Variants in MEMO1 observed in about 807,000 individuals in gnomAD.
MEMO1 encodes mediator of cell motility 1, also known as protein MEMO1.
A neutral mutation model predicts 45.2 loss-of-function variants in MEMO1; 6 were observed. That is an observed-to-expected ratio of 0.13 (90% CI 0.07 to 0.26). The LOEUF is 0.26. MEMO1 is among the 10% of genes least tolerant of loss of function. The probability of loss-of-function intolerance (pLI) is 1.00; values close to 1 mark genes in which losing one functional copy is unlikely to be tolerated. For missense variants in MEMO1, 184 were observed against 370.5 expected (o/e 0.50, Z 4.13); for synonymous variants, 78 against 124.3 (o/e 0.63, Z 2.48).
At chr2:31,935,138 A>T (rs1260965272) in intron 3 of MEMO1, among the ~76,000 whole-genome samples, 1 of 152,176 alleles carries the variant, frequency 6.6e-6, no homozygotes, top group Non-Finnish European at 1.5e-5. Context: ...AGAAACTAAA[A>T]CAGAGAGGTT....
intron 4 of MEMO1, among the ~76,000 whole-genome samples, chr2:31,927,905 A>C (rs1358798504): frequency 6.6e-6 from 1 of 152,092 alleles, no homozygotes; most frequent in African/African-American, 2.4e-5. Context: ...TTTTTAATTA[A>C]ATTTTTAGCT....
At chr2:31,872,206 G>C (rs1338930031) in intron 8 of MEMO1, among the ~76,000 whole-genome samples, 2 of 152,076 alleles carry the variant, frequency 1.3e-5, no homozygotes, top group Non-Finnish European at 2.9e-5. Flanking sequence ...TAAATGAACA[G>C]AGGCACAAAA....
At chr2:31,994,073 G>A (rs980875774) in intron 2 of MEMO1, among the ~76,000 whole-genome samples, 1 of 137,366 alleles carries the variant, frequency 7.3e-6, no homozygotes, top group Non-Finnish European at 1.5e-5. Context: ...TGATTCTTCT[G>A]CCTCAGCCCC....
intron 2 of MEMO1, among the ~76,000 whole-genome samples, chr2:31,998,784 T>C (rs966834940): frequency 2.7e-5 from 4 of 150,800 alleles, no homozygotes; most frequent in Admixed American, 1.3e-4. Context: ...CAGGAGACAA[T>C]GTGAGACTCC....
chr2:32,003,699 G>C (rs1673690131), intron 2 of MEMO1, among the ~76,000 whole-genome samples: 1 of 152,186 alleles, frequency 6.6e-6, no homozygotes, highest in African/African-American at 2.4e-5. Flanking sequence ...GGTAGGTAGA[G>C]ATTTCATAAA....
chr2:31,998,203 A>C (rs1672835479), intron 2 of MEMO1, among the ~76,000 whole-genome samples: 1 of 152,118 alleles, frequency 6.6e-6, no homozygotes, highest in Non-Finnish European at 1.5e-5. Flanking sequence ...TTTTTTGTAG[A>C]GACGGGGGTC....
chr2:31,967,569 T>A (rs1332685697), intron 2 of MEMO1, among the ~76,000 whole-genome samples: 2 of 152,138 alleles, frequency 1.3e-5, no homozygotes, highest in Non-Finnish European at 2.9e-5. Context: ...CATGTCAGCC[T>A]TCCAAGTAAC....
chr2:31,966,656 C>T (rs889905425), intron 2 of MEMO1, among the ~76,000 whole-genome samples: 10 of 143,518 alleles, frequency 7.0e-5, no homozygotes, highest in East Asian at 2.1e-4. Context: ...CTTGAACTTC[C>T]GCTGAAGCAG....
intron 8 of MEMO1, among the ~76,000 whole-genome samples, chr2:31,872,412 C>T (rs1178439196): frequency 6.6e-6 from 1 of 152,120 alleles, no homozygotes; most frequent in Non-Finnish European, 1.5e-5. Context: ...TATAAATCCA[C>T]TCATTAATAA....
chr2:31,991,072 C>T (rs1671887792), intron 2 of MEMO1, among the ~76,000 whole-genome samples: 1 of 151,858 alleles, frequency 6.6e-6, no homozygotes, highest in South Asian at 2.1e-4. Context: ...ACAAAAAGGC[C>T]AAATATAAAA....
intron 3 of MEMO1, among the ~76,000 whole-genome samples, chr2:31,942,211 C>CA (rs1665696607): frequency 6.6e-6 from 1 of 152,092 alleles, no homozygotes; most frequent in Non-Finnish European, 1.5e-5. Flanking sequence ...AATCCAAAGA[C>CA]AAAATAATCA....
At chr2:31,958,111 G>C (rs1667607754) in intron 2 of MEMO1, among the ~76,000 whole-genome samples, 2 of 151,928 alleles carry the variant, frequency 1.3e-5, no homozygotes, top group Non-Finnish European at 2.9e-5. Context: ...AAGGTAATCA[G>C]ATATAACACC....
At chr2:31,965,216 AAAAG>A (rs991614762) in intron 2 of MEMO1, among the ~76,000 whole-genome samples, 1 of 151,848 alleles carries the variant, frequency 6.6e-6, no homozygotes, top group Admixed American at 6.6e-5. Context: ...TCCATCAAAA[AAAAG>A]AAAGAAAGGA....
At chr2:31,987,136 T>C (rs546681078) in intron 2 of MEMO1, among the ~76,000 whole-genome samples, 105 of 152,268 alleles carry the variant, frequency 6.9e-4, no homozygotes, top group African/African-American at 2.3e-3. Context: ...CCCCAGCAAC[T>C]GGGACTACAA....
At chr2:31,883,757 T>C (rs1321016685) in intron 7 of MEMO1, among the ~76,000 whole-genome samples, 3 of 152,216 alleles carry the variant, frequency 2.0e-5, no homozygotes, top group East Asian at 1.9e-4. Context: ...GTTAGAAGCA[T>C]TGTTAAACAT....
chr2:31,980,715 C>T (rs763804059), intron 2 of MEMO1, among the ~76,000 whole-genome samples: 5 of 152,246 alleles, frequency 3.3e-5, no homozygotes, highest in South Asian at 2.1e-4. Context: ...GAGAACGTCA[C>T]GGCGTTTGGG....
chr2:31,897,237 G>A (rs995115128), intron 6 of MEMO1, among the ~76,000 whole-genome samples: 3 of 151,858 alleles, frequency 2.0e-5, no homozygotes, highest in African/African-American at 7.3e-5. Flanking sequence ...TTATTGCACT[G>A]GACAGAATTT....
chr2:31,873,478 A>G (rs547420236), intron 8 of MEMO1, among the ~76,000 whole-genome samples: 14 of 152,276 alleles, frequency 9.2e-5, no homozygotes, highest in African/African-American at 3.4e-4. Flanking sequence ...CTAAATAGGC[A>G]GTATTAACTG....
intron 2 of MEMO1, among the ~76,000 whole-genome samples, chr2:31,969,585 GGGT>G (rs1669088804): frequency 1.0e-3 from 93 of 89,482 alleles, no homozygotes; most frequent in Non-Finnish European, 1.2e-3. Context: ...GTGTGTGTGT[GGGT>G]GTGTGTGTGT....
Sources: gnomAD v4.1 joint callset for allele counts (sites outside exome capture counted in the v4.1 genomes callset) on GRCh38, gnomAD v4.1.1 for gene constraint, MANE v1.5 for transcripts, NCBI Gene and HGNC (gene_info 2026-07-23, HGNC 2026-07-21) for gene names.